The following SYNE2 variants were observed in gnomAD, a reference collection of about 807,000 sequenced individuals.
The protein encoded by SYNE2 is nesprin-2.
In SYNE2, 431 loss-of-function variants were observed where a neutral mutation model predicts 856.3. That is an observed-to-expected ratio of 0.50 (90% CI 0.47 to 0.55). The LOEUF is 0.55. Among genes scored for constraint, SYNE2 ranks in the 20% least tolerant of loss-of-function variants. The pLI, the probability that SYNE2 is intolerant of heterozygous loss-of-function variation, is 0.00. For synonymous variants in SYNE2, 2,923 were observed against 2,872.3 expected, an observed-to-expected ratio of 1.02 and a Z score of -0.56; for missense variants, 8,129 against 8,023.2, an observed-to-expected ratio of 1.01 and a Z score of -0.50.
intron 10 of SYNE2, among the ~76,000 whole-genome samples, chr14:63,965,514 A>G (rs1000647293): frequency 1.3e-5 from 2 of 152,194 alleles, no homozygotes; most frequent in Non-Finnish European, 2.9e-5. Context: ...AAGAGACTTA[A>G]TAGGAAACAA....
chr14:63,977,373 C>T (rs941193212), intron 12 of SYNE2, among the ~76,000 whole-genome samples: 3 of 151,998 alleles, frequency 2.0e-5, no homozygotes, highest in African/African-American at 4.8e-5. Context: ...CTACCACACC[C>T]GGCTAATTTT....
At chr14:64,169,740 TC>T (rs1185171033) in intron 93 of SYNE2, among the ~76,000 whole-genome samples, 1 of 152,192 alleles carries the variant, frequency 6.6e-6, no homozygotes, top group African/African-American at 2.4e-5. Context: ...AACATGACTT[TC>T]CCATAATAAA....
upstream of SYNE2, among the ~76,000 whole-genome samples, chr14:63,849,294 T>G (rs576678587): frequency 3.5e-5 from 5 of 143,158 alleles, no homozygotes; most frequent in African/African-American, 1.3e-4. Context: ...TGCAGTAACA[T>G]AGTAATGCAA....
At chr14:64,015,011 G>GTGTATATATGTATATAAATATATA (rs1433294239) in intron 32 of SYNE2, among the ~76,000 whole-genome samples, 30 of 130,206 alleles carry the variant, frequency 2.3e-4, no homozygotes, top group African/African-American at 8.2e-4. Flanking sequence ...ATATATATAT[G>GTGTATATATGTATATAAATATATA]TGTATATATG....
At chr14:64,062,029 T>A (rs2097321380) in intron 49 of SYNE2, among the ~76,000 whole-genome samples, 1 of 152,212 alleles carries the variant, frequency 6.6e-6, no homozygotes. Context: ...GAGTTTTTAG[T>A]TACATTCAAT....
chr14:63,776,534 C>T (rs1390799842), intron 1 of SYNE2, among the ~76,000 whole-genome samples: 1 of 151,844 alleles, frequency 6.6e-6, no homozygotes, highest in Non-Finnish European at 1.5e-5. Context: ...AATGATCCCA[C>T]CTGCTGTCAA....
rs751515594 is a variant in SYNE2 at position 63,941,697 on chromosome 14, C to T, written c.144C>T (p.His48=). Reference sequence around the variant, plus strand: ...ATTTTTCTTGTGACCTTCTGCAGCACACTTCTCCCTCAGTTATATCCGACC... The same window carrying T: ...ATTTTTCTTGTGACCTTCTGCAGCATACTTCTCCCTCAGTTATATCCGACC... ...TCWINSQLAR[H]TSPSVISDLF... The change falls in exon 4 of 116, where the codon CAC becomes CAT. Residue 48 remains histidine, a splice_region_variant and synonymous_variant. Coordinates refer to ENST00000555002, the MANE Select transcript of SYNE2 (RefSeq NM_182914.3). 7 of 1,613,614 alleles carry T rather than the reference C, an allele frequency of 4.3e-6. No homozygotes were observed. The highest frequency in any genetic ancestry group is 5.9e-6 in the Non-Finnish European group (7 of 1,179,538).
At chr14:64,091,151 T>C in intron 60 of SYNE2, 103 bp downstream of exon 60, 1 of 1,071,794 alleles carries the variant, frequency 9.3e-7, no homozygotes. Flanking sequence ...CCTATTATTG[T>C]AGGAGGTGGC....
chr14:63,866,709 T>G (rs1321561336), intron 1 of SYNE2, among the ~76,000 whole-genome samples: 3 of 151,984 alleles, frequency 2.0e-5, no homozygotes, highest in Non-Finnish European at 4.4e-5. Flanking sequence ...GCGTGGTAGC[T>G]CATGTTGAAA....
chr14:64,190,312 C>A, intron 99 of SYNE2, 75 bp downstream of exon 99: 1 of 1,582,812 alleles, frequency 6.3e-7, no homozygotes, highest in African/African-American at 1.3e-5. Context: ...TGAACCCAGT[C>A]TTCCTCTAAG....
chr14:64,160,838 A>G (rs1161481989), intron 87 of SYNE2, among the ~76,000 whole-genome samples: 1 of 152,188 alleles, frequency 6.6e-6, no homozygotes, highest in Non-Finnish European at 1.5e-5. Context: ...ATACAGAAAA[A>G]AAGCCTTTTG....
At chr14:64,106,455 C>G (rs1219290358) in intron 64 of SYNE2, among the ~76,000 whole-genome samples, 1 of 152,176 alleles carries the variant, frequency 6.6e-6, no homozygotes, top group Non-Finnish European at 1.5e-5. Flanking sequence ...CAAGATCATC[C>G]TGGCTAAAAC....
At chr14:63,986,908 G>A (rs2096630038) in intron 19 of SYNE2, among the ~76,000 whole-genome samples, 1 of 152,142 alleles carries the variant, frequency 6.6e-6, no homozygotes, top group South Asian at 2.1e-4. Context: ...GGACAATGAG[G>A]AGACGAGTGA....
intron 95 of SYNE2, among the ~76,000 whole-genome samples, chr14:64,176,493 A>G (rs935710266): frequency 7.2e-5 from 11 of 152,198 alleles, no homozygotes; most frequent in African/African-American, 1.9e-4. Flanking sequence ...TAGTCAGCAC[A>G]GTGGTGAGAA....
intron 1 of SYNE2, among the ~76,000 whole-genome samples, chr14:63,906,919 A>G (rs758119470): frequency 1.8e-4 from 27 of 152,154 alleles, no homozygotes; most frequent in Non-Finnish European, 4.0e-4. Context: ...CTCTCAGTCT[A>G]TCCTCACATG....
intron 1 of SYNE2, among the ~76,000 whole-genome samples, chr14:63,805,799 A>G (rs536188768): frequency 6.6e-6 from 1 of 152,330 alleles, no homozygotes; most frequent in African/African-American, 2.4e-5. Flanking sequence ...GTTTGTATAT[A>G]GAAATGCTAC....
chr14:64,048,040 T>C lies in SYNE2; in HGVS notation c.7262T>C (p.Leu2421Pro), dbSNP rs2097198790. The change falls in exon 46 of 116, where the codon CTT becomes CCT. Residue 2421 changes from leucine (L) to proline (P), a missense_variant. By Grantham distance (98) the Leu-to-Pro change is moderately conservative (BLOSUM62 -3). This residue lies in a region of SYNE2 where 5,410 missense variants were observed against 5,284.8 expected (regional missense o/e 1.02). Coordinates refer to ENST00000555002, the MANE Select transcript of SYNE2 (RefSeq NM_182914.3). Reference protein sequence around the residue: ...VEMAMSKQLSLNAQESMKNTE... With the variant: ...VEMAMSKQLSPNAQESMKNTE... ...ATGGCTATGTCAAAACAACTTTCTC[T>C]TAATGCTCAAGAAAGCATGAAAAAC... The C allele has an allele frequency of 6.2e-7, 1 of 1,613,844 alleles. No homozygotes were observed. Among genetic ancestry groups the C allele is most frequent in the African/African-American group, 1.3e-5 (1 of 75,034 alleles).
chr14:64,118,765 G>T (rs992536779), intron 66 of SYNE2, among the ~76,000 whole-genome samples: 25 of 151,882 alleles, frequency 1.6e-4, no homozygotes, highest in African/African-American at 5.8e-4. Flanking sequence ...GGAGGCTGAG[G>T]CAGGAGAATT....
Position 63,974,786 on chromosome 14 carries a change from ATATATATGTG to A in SYNE2, c.1129-1757_1129-1748del, listed in dbSNP as rs1191248511. Among the ~76,000 whole-genome samples the A allele has an allele frequency of 1.2e-3, 91 of 73,286 alleles. 1 individual carries two copies. Among genetic ancestry groups the A allele is most frequent in the Middle Eastern group, 7.4e-3 (1 of 136 alleles). The allele number at this position is 73,286 out of a possible 152,430, so 48.1% of individuals were successfully genotyped here. A position where few individuals can be genotyped will look rare whatever the true frequency, so the allele number is the denominator to read the frequency against. Reference sequence around the variant, plus strand: ...TGTGTGTGTATATATATATGTGTGTATATATATGTGTATATATGTGTATATATGTATATAC... The same window carrying A: ...TGTGTGTGTATATATATATGTGTGTATATATATGTGTATATATGTATATAC... On this transcript the variant is annotated intron_variant, in intron 11 of 115. Coordinates refer to ENST00000555002, the MANE Select transcript of SYNE2 (RefSeq NM_182914.3).
Sources: allele counts gnomAD v4.1 joint callset (sites outside exome capture counted in the v4.1 genomes callset), GRCh38; gene constraint gnomAD v4.1.1; regional missense constraint gnomAD v4.1.1; transcripts MANE v1.5; gene names NCBI Gene and HGNC (gene_info 2026-07-23, HGNC 2026-07-21).